The following TRNT1 variants were observed in gnomAD, a reference collection of about 807,000 sequenced individuals.
The protein encoded by TRNT1 is CCA tRNA nucleotidyltransferase 1, mitochondrial.
A neutral mutation model predicts 45.6 loss-of-function variants in TRNT1; 44 were observed. The observed-to-expected ratio is 0.97, with a 90% CI of 0.76 to 1.24. The LOEUF (loss-of-function observed/expected upper bound fraction) is 1.24, where lower values mean the gene tolerates loss of function less well. TRNT1 is among the 50% of genes most tolerant of loss of function. The pLI is 0.00. For missense variants in TRNT1, 633 were observed against 504.4 expected, an observed-to-expected ratio of 1.25 and a Z score of -2.44; for synonymous variants, 201 against 171.4, an observed-to-expected ratio of 1.17 and a Z score of -1.35.
chr3:3,136,551 A>T (rs1212771150), intron 2 of TRNT1: 3 of 396,794 alleles, frequency 7.6e-6, no homozygotes, highest in African/African-American at 2.1e-5. Context: ...CTGCCTCAAC[A>T]TCTATCTGTA....
In TRNT1 at chr3:3,129,894, C is replaced by A. The variant is rs1461188892; in HGVS notation, c.148+706C>A. Reference sequence around the variant, plus strand: ...ATTGATTTCAGAGCCCAGCTTGCAACCGCTAAGCTCTGTTTCCTTCCTAGG... The same window carrying A: ...ATTGATTTCAGAGCCCAGCTTGCAAACGCTAAGCTCTGTTTCCTTCCTAGG... On this transcript the variant is annotated intron_variant, in intron 2 of 7. Transcript: ENST00000251607. The A allele has an allele frequency of 1.9e-6, 3 of 1,550,484 alleles. No individual in the cohort carries two copies. In the African/African-American group the frequency reaches 4.1e-5, roughly 21 times the overall value.
chr3:3,141,242 ACACT>A (rs757407430), intron 4 of TRNT1, among the ~76,000 whole-genome samples: 10 of 152,366 alleles, frequency 6.6e-5, no homozygotes, highest in East Asian at 1.9e-4. Flanking sequence ...ACACATGTAC[ACACT>A]CAGTCAGTGC....
At chr3:3,145,837 A>G (rs1428883363) in intron 5 of TRNT1, among the ~76,000 whole-genome samples, 2 of 151,954 alleles carry the variant, frequency 1.3e-5, no homozygotes, top group Non-Finnish European at 2.9e-5. Flanking sequence ...ATTTAGCATC[A>G]CTTTGGACCG....
Position 3,148,347 on chromosome 3 carries a change from T to TATCA in TRNT1, c.*194_*197dup, listed in dbSNP as rs1706207623. 3.6e-6 allele frequency: 2 copies of TATCA among 560,596 alleles called. No homozygotes were observed. The highest frequency in any genetic ancestry group is 3.1e-6 in the Non-Finnish European group (1 of 325,320). The allele number at this position is 560,596 out of a possible 1,614,324, so 34.7% of individuals were successfully genotyped here. Reference sequence around the variant, plus strand: ...GATCCACCTTTCTGGATCTGATTTATATCACTGAAATGTACAGTTCTTTTG... The same window carrying TATCA: ...GATCCACCTTTCTGGATCTGATTTATATCAATCACTGAAATGTACAGTTCTTTTG... On this transcript the variant is annotated 3_prime_UTR_variant, in exon 8 of 8. Transcript: ENST00000251607.
At chr3:3,131,536 T>G (rs1705017750) in intron 2 of TRNT1, 1 of 151,060 alleles carries the variant, frequency 6.6e-6, no homozygotes, top group Admixed American at 6.6e-5. Context: ...CAATTCAAGA[T>G]GGATTAAAGA....
intron 5 of TRNT1, among the ~76,000 whole-genome samples, chr3:3,145,959 G>A (rs7629889): frequency 0.14 from 21,402 of 151,250 alleles, 1,569 homozygotes; most frequent in Admixed American, 0.17. Flanking sequence ...TAGATGAGTC[G>A]TATTTGAAGG....
chr3:3,148,263 C>A lies in TRNT1; in HGVS notation c.*109C>A. 8.3e-7 allele frequency: 1 copy of A among 1,197,922 alleles called. No homozygotes were observed. The highest frequency in any genetic ancestry group is 1.5e-5 in the South Asian group (1 of 64,562). 74.2% of individuals were successfully genotyped at this position (1,197,922 alleles called of 1,614,324 possible). On this transcript the variant is annotated 3_prime_UTR_variant, in exon 8 of 8. Coordinates refer to ENST00000251607, the MANE Select transcript of TRNT1 (RefSeq NM_182916.3). Reference sequence around the variant, plus strand: ...CCAGAATAAAAGACAGTTTAGGGGACCTCTGTAGAACAACAAGGGTCTTAT... The same window carrying A: ...CCAGAATAAAAGACAGTTTAGGGGAACTCTGTAGAACAACAAGGGTCTTAT...
At chr3:3,151,697 T>G (rs1304420676), downstream of TRNT1, among the ~76,000 whole-genome samples, 1 of 152,176 alleles carries the variant, frequency 6.6e-6, no homozygotes, top group African/African-American at 2.4e-5. Context: ...GATAGGGCAA[T>G]CCAAGATACA....
chr3:3,133,454 G>T (rs1028906097), intron 2 of TRNT1, among the ~76,000 whole-genome samples: 1 of 152,028 alleles, frequency 6.6e-6, no homozygotes. Flanking sequence ...AGCTACTCAG[G>T]AGGCTGAGGC....
chr3:3,150,483 T>C (rs1706444862), downstream of TRNT1: 1 of 213,652 alleles, frequency 4.7e-6, no homozygotes, highest in Admixed American at 5.3e-5. Context: ...CAGGATCAAA[T>C]TATTAGTTTC....
In TRNT1 at chr3:3,132,731, G is replaced by GAA. The variant is rs369384116; in HGVS notation, c.148+3555_148+3556dup. Among the ~76,000 whole-genome samples the GAA allele has an allele frequency of 7.5e-3, 662 of 88,340 alleles. 1 individual carries two copies. The highest frequency in any genetic ancestry group is 0.014 in the East Asian group (28 of 2,074). The allele number at this position is 88,340 out of a possible 152,430, so 58.0% of individuals were successfully genotyped here. On this transcript the variant is annotated intron_variant, in intron 2 of 7. Coordinates refer to ENST00000251607, the MANE Select transcript of TRNT1 (RefSeq NM_182916.3). ...AAAAAAAAACATATACCTATTGAAG[G>GAA]AAAAAAAAAAAAACACAAAAAAAAA...
downstream of TRNT1, chr3:3,149,624 C>G (rs1215596976): frequency 1.3e-5 from 2 of 151,986 alleles, no homozygotes; most frequent in Non-Finnish European, 2.9e-5. Flanking sequence ...ACAAACCAGA[C>G]CAGTGAAGTC....
rs190778865 is a variant in TRNT1, at chr3:3,139,416, G to T, written c.343-1094G>T. 1.7e-3 allele frequency among the ~76,000 whole-genome samples: 255 copies of T among 152,312 alleles called. 1 individual carries two copies. The highest frequency in any genetic ancestry group is 5.9e-3 in the African/African-American group (247 of 41,558). On this transcript the variant is annotated intron_variant, in intron 3 of 7. Transcript: ENST00000251607. ...AGAAATCCTACAACAGACTTCTGGT[G>T]ATCGTTAACGGCTTTCACTTCCTAA... is the stretch of plus-strand genomic sequence containing the variant.
intron 6 of TRNT1, 73 bp downstream of exon 6, chr3:3,146,696 T>TG (rs1706050280): frequency 7.5e-6 from 10 of 1,336,760 alleles, no homozygotes; most frequent in Middle Eastern, 2.1e-4. Context: ...AAGGAAAAAA[T>TG]GTTTGACTCA....
chr3:3,149,707 G>GAAGT (rs1255720034), downstream of TRNT1: 4 of 152,194 alleles, frequency 2.6e-5, no homozygotes, highest in Non-Finnish European at 2.9e-5. Context: ...ATCCTGATTG[G>GAAGT]AAGTATTCTT....
intron 3 of TRNT1, among the ~76,000 whole-genome samples, chr3:3,139,084 C>T (rs1383121128): frequency 6.6e-6 from 1 of 152,116 alleles, no homozygotes; most frequent in Non-Finnish European, 1.5e-5. Context: ...TGTTAATTTT[C>T]ACTTGAATCT....
chr3:3,151,139 A>C (rs1240018806), downstream of TRNT1: 1 of 1,280,298 alleles, frequency 7.8e-7, no homozygotes. Flanking sequence ...TTAGAGGCAA[A>C]TTCTAAGGAT....
chr3:3,129,303 T>TA (rs1194520598), intron 2 of TRNT1, 115 bp downstream of exon 2: 1 of 1,025,302 alleles, frequency 9.8e-7, no homozygotes, highest in Non-Finnish European at 1.4e-6. Context: ...TTATTTTTAT[T>TA]AAAAAACGTA....
At chr3:3,149,426 G>A (rs921531389), downstream of TRNT1, 9 of 150,808 alleles carry the variant, frequency 6.0e-5, no homozygotes, top group South Asian at 2.2e-4. Flanking sequence ...TAGTATATGT[G>A]TGTTTTTACA....
Sources: allele counts gnomAD v4.1 joint callset (sites outside exome capture counted in the v4.1 genomes callset), GRCh38; gene constraint gnomAD v4.1.1; transcripts MANE v1.5; gene names NCBI Gene and HGNC (gene_info 2026-07-23, HGNC 2026-07-21).